Variants in CPQ observed in about 807,000 individuals in gnomAD.
The protein encoded by CPQ is Ser-Met dipeptidase.
In CPQ, 37 loss-of-function variants were observed where a neutral mutation model predicts 45.7. That is an observed-to-expected ratio of 0.81 (90% confidence interval 0.62 to 1.07). The LOEUF is 1.07. Among genes scored for constraint, CPQ ranks in the 50% least tolerant of loss-of-function variants. The pLI, the probability that CPQ is intolerant of heterozygous loss-of-function variation, is 0.00. For missense variants in CPQ, 537 were observed against 572.9 expected (o/e 0.94, Z 0.64); for synonymous variants, 186 against 205.8 (o/e 0.90, Z 0.82).
chr8:97,067,203 A>C (rs1295717763), intron 7 of CPQ, among the ~76,000 whole-genome samples: 2 of 152,112 alleles, frequency 1.3e-5, no homozygotes, highest in African/African-American at 4.8e-5. Flanking sequence ...CTGGGATTAT[A>C]GGCATGAGCG....
rs1811881780 is a variant in CPQ, at chr8:96,858,442, C to CCAT, written c.642-21356_642-21355insCAT. Among the ~76,000 whole-genome samples, 3 of 152,168 alleles carry CCAT rather than the reference C, an allele frequency of 2.0e-5. No individual in the cohort carries two copies. The South Asian group carries it at 6.2e-4, about 31-fold the overall frequency. On this transcript the variant is annotated intron_variant, in intron 3 of 7. Coordinates refer to ENST00000220763, the MANE Select transcript of CPQ (RefSeq NM_016134.4). ...AACTTCTGGGTTCCTTGCACAGCAG[C>CCAT]GTCTGATATCCTGCATGTTAGTTCT... is the stretch of plus-strand genomic sequence containing the variant.
chr8:97,127,655 C>T (rs760383088), intron 7 of CPQ, among the ~76,000 whole-genome samples: 3 of 152,094 alleles, frequency 2.0e-5, no homozygotes, highest in Non-Finnish European at 2.9e-5. Context: ...CGCCACTGCA[C>T]TCCAGCGTGG....
intron 5 of CPQ, among the ~76,000 whole-genome samples, chr8:97,027,558 T>C (rs1276740743): frequency 6.6e-6 from 1 of 152,204 alleles, no homozygotes; most frequent in Non-Finnish European, 1.5e-5. Context: ...TAAATACATA[T>C]CCCAGTAGTT....
At chr8:96,789,731 C>T (rs567716863) in intron 2 of CPQ, among the ~76,000 whole-genome samples, 5 of 152,242 alleles carry the variant, frequency 3.3e-5, no homozygotes, top group East Asian at 3.9e-4. Flanking sequence ...TATTTTTAAG[C>T]GTGGCTTAAT....
chr8:97,119,159 ACT>A (rs1811649481), intron 7 of CPQ, among the ~76,000 whole-genome samples: 1 of 151,632 alleles, frequency 6.6e-6, no homozygotes, highest in Non-Finnish European at 1.5e-5. Context: ...TGAAACCCTG[ACT>A]CTACTAAAAA....
chr8:96,898,468 C>T (rs889543903), intron 4 of CPQ, among the ~76,000 whole-genome samples: 3 of 151,926 alleles, frequency 2.0e-5, no homozygotes, highest in African/African-American at 4.8e-5. Context: ...AAAGTGCTTG[C>T]GAAGAATATC....
chr8:96,967,626 A>C (rs1243819117), intron 5 of CPQ, among the ~76,000 whole-genome samples: 2 of 152,226 alleles, frequency 1.3e-5, no homozygotes, highest in African/African-American at 2.4e-5. Flanking sequence ...TTTGATAGCT[A>C]GTGACCAGTC....
chr8:96,924,411 A>G (rs1278845792), intron 4 of CPQ, among the ~76,000 whole-genome samples: 1 of 152,240 alleles, frequency 6.6e-6, no homozygotes. Context: ...ATTTATGCAG[A>G]CAAGAAAAAT....
At position 96,725,485 on chromosome 8, in the gene CPQ, G is replaced by A. The variant is rs187300285; in HGVS notation, c.-34-59379G>A. Reference sequence around the variant, plus strand: ...TAGCCAATAAACATATGAAAGAAATGCTCAACATCATTAATCATCAGAGAA... The same window carrying A: ...TAGCCAATAAACATATGAAAGAAATACTCAACATCATTAATCATCAGAGAA... On this transcript the variant is annotated intron_variant, in intron 1 of 7. Transcript: ENST00000220763. Among the ~76,000 whole-genome samples, 69 of 152,228 alleles carry A rather than the reference G, an allele frequency of 4.5e-4. 1 individual carries two copies. The highest frequency in any genetic ancestry group is 1.7e-3 in the African/African-American group (69 of 41,542).
intron 2 of CPQ, among the ~76,000 whole-genome samples, chr8:96,801,014 C>T (rs1177766190): frequency 6.9e-6 from 1 of 144,490 alleles, no homozygotes; most frequent in African/African-American, 2.5e-5. Context: ...CTCACTCTGT[C>T]ACCCTGGCTG....
chr8:96,682,216 GA>G (rs2130729929), intron 1 of CPQ, among the ~76,000 whole-genome samples: 1 of 152,278 alleles, frequency 6.6e-6, no homozygotes, highest in South Asian at 2.1e-4. Flanking sequence ...ATCTCATGTT[GA>G]ATTCTCATGT....
At chr8:96,799,431 C>T (rs1036060652) in intron 2 of CPQ, among the ~76,000 whole-genome samples, 4 of 152,176 alleles carry the variant, frequency 2.6e-5, no homozygotes, top group Non-Finnish European at 4.4e-5. Flanking sequence ...CTCTTTTGAT[C>T]TCATCAAGGA....
chr8:96,667,010 C>T (rs1256944190), intron 1 of CPQ, among the ~76,000 whole-genome samples: 1 of 152,124 alleles, frequency 6.6e-6, no homozygotes, highest in Non-Finnish European at 1.5e-5. Flanking sequence ...CTCATATTAG[C>T]TGTTGCCTTT....
At chr8:96,919,182 T>C (rs1812774558) in intron 4 of CPQ, among the ~76,000 whole-genome samples, 1 of 151,940 alleles carries the variant, frequency 6.6e-6, no homozygotes, top group Non-Finnish European at 1.5e-5. Flanking sequence ...AAGAAAAGGG[T>C]GTGCCAAGTT....
chr8:96,971,922 A>G (rs76381919), intron 5 of CPQ, among the ~76,000 whole-genome samples: 3,687 of 152,292 alleles, frequency 0.024, 98 homozygotes, highest in African/African-American at 0.068. Flanking sequence ...GAACAGACAG[A>G]GCAGTGTTTG....
At chr8:96,848,417 C>T (rs375821964) in intron 3 of CPQ, among the ~76,000 whole-genome samples, 2 of 152,274 alleles carry the variant, frequency 1.3e-5, no homozygotes, top group African/African-American at 2.4e-5. Flanking sequence ...ATACTACAAA[C>T]GTGACACAAT....
chr8:96,841,417 G>T (rs1266502944), intron 3 of CPQ, among the ~76,000 whole-genome samples: 1 of 152,182 alleles, frequency 6.6e-6, no homozygotes, highest in African/African-American at 2.4e-5. Context: ...ATTAGCCCAT[G>T]TAAAATATAA....
At chr8:96,844,601 C>T (rs947541242) in intron 3 of CPQ, among the ~76,000 whole-genome samples, 5 of 152,148 alleles carry the variant, frequency 3.3e-5, no homozygotes, top group Admixed American at 1.3e-4. Context: ...AAATCAAGCC[C>T]TTGACACAGA....
intron 5 of CPQ, among the ~76,000 whole-genome samples, chr8:96,991,553 C>A (rs541717714): frequency 3.4e-4 from 47 of 139,984 alleles, no homozygotes; most frequent in Middle Eastern, 7.3e-3. Flanking sequence ...AAGAGTCTGT[C>A]ATAATAATAA....
Sources: gnomAD v4.1 joint callset for allele counts (sites outside exome capture counted in the v4.1 genomes callset) on GRCh38, gnomAD v4.1.1 for gene constraint, MANE v1.5 for transcripts, NCBI Gene and HGNC (gene_info 2026-07-23, HGNC 2026-07-21) for gene names.